The following RASGRP3 variants were observed in gnomAD, a reference collection of about 807,000 sequenced individuals.
RASGRP3 encodes RAS guanyl releasing protein 3, also known as ras guanyl-releasing protein 3.
Under a neutral mutation model 82.7 loss-of-function variants are expected in RASGRP3, and 54 were observed. That is an observed-to-expected ratio of 0.65 (90% CI 0.52 to 0.82). RASGRP3 has a LOEUF of 0.82. RASGRP3 is among the 40% of genes least tolerant of loss of function. The pLI, the probability that RASGRP3 is intolerant of heterozygous loss-of-function variation, is 0.00. For synonymous variants in RASGRP3, 309 were observed against 300.5 expected, an observed-to-expected ratio of 1.03 and a Z score of -0.29; for missense variants, 861 against 828.9, an observed-to-expected ratio of 1.04 and a Z score of -0.48.
intron 1 of RASGRP3, among the ~76,000 whole-genome samples, chr2:33,501,448 G>A (rs983170262): frequency 6.6e-6 from 1 of 152,140 alleles, no homozygotes; most frequent in Non-Finnish European, 1.5e-5. Flanking sequence ...ATAACTCTAT[G>A]TTTAAGTTTT....
intron 14 of RASGRP3, among the ~76,000 whole-genome samples, chr2:33,553,370 A>T (rs1348242574): frequency 6.6e-6 from 1 of 152,222 alleles, no homozygotes; most frequent in Admixed American, 6.5e-5. Context: ...TAAGGACATC[A>T]TGAGCAATTA....
chr2:33,444,234 A>T (rs867897772), intron 1 of RASGRP3, among the ~76,000 whole-genome samples: 3 of 152,068 alleles, frequency 2.0e-5, no homozygotes, highest in African/African-American at 7.2e-5. Context: ...TGAGCCCAGT[A>T]TTTCGAGGAT....
At chr2:33,522,199 A>G (rs1672101977) in intron 7 of RASGRP3, 97 bp downstream of exon 7, 2 of 1,369,708 alleles carry the variant, frequency 1.5e-6, no homozygotes, top group East Asian at 2.3e-5. Flanking sequence ...GGCAGCTTCT[A>G]TCACTGTGCT....
chr2:33,504,131 A>G (rs531827947), intron 1 of RASGRP3, among the ~76,000 whole-genome samples: 2 of 152,222 alleles, frequency 1.3e-5, no homozygotes, highest in African/African-American at 2.4e-5. Context: ...GCATATGTCT[A>G]TCCTATGCCT....
intron 10 of RASGRP3, among the ~76,000 whole-genome samples, chr2:33,529,460 A>ACTCCAGC (rs1306419097): frequency 7.6e-6 from 1 of 131,458 alleles, no homozygotes; most frequent in East Asian, 2.3e-4. Flanking sequence ...GTGCCACTGC[A>ACTCCAGC]CTGGGCGACA....
intron 2 of RASGRP3, among the ~76,000 whole-genome samples, chr2:33,466,789 A>C (rs1666722511): frequency 6.6e-6 from 1 of 152,206 alleles, no homozygotes; most frequent in African/African-American, 2.4e-5. Context: ...CATAAGTTAA[A>C]AAATTTTCCG....
rs758498849 is a variant in RASGRP3 at position 33,527,124 on chromosome 2, C to T, written c.808-13C>T. 1.9e-6 allele frequency: 3 copies of T among 1,612,810 alleles called. No homozygotes were observed. Among genetic ancestry groups the T allele is most frequent in the Non-Finnish European group, 1.7e-6 (2 of 1,179,020 alleles). ...AAGTTGTTTGAAAATTCTACTTTTC[C>T]ATCTGTTCCCAGAACTGGAATGAAA... is the stretch of plus-strand genomic sequence containing the variant. On this transcript the variant is annotated splice_polypyrimidine_tract_variant and intron_variant, in intron 9 of 17. Coordinates refer to ENST00000403687, the MANE Select transcript of RASGRP3 (RefSeq NM_001139488.2).
At chr2:33,541,210 A>G (rs1674257016) in intron 12 of RASGRP3, among the ~76,000 whole-genome samples, 1 of 147,352 alleles carries the variant, frequency 6.8e-6, no homozygotes, top group South Asian at 2.2e-4. Flanking sequence ...AGAATCATCA[A>G]AAATATTAAA....
intron 7 of RASGRP3, among the ~76,000 whole-genome samples, chr2:33,523,256 G>A (rs1032829924): frequency 2.6e-5 from 4 of 152,100 alleles, no homozygotes; most frequent in African/African-American, 9.7e-5. Flanking sequence ...GAGGTCAAGA[G>A]ATCGAGACCT....
chr2:33,555,503 C>T (rs1270350271), intron 14 of RASGRP3, 28 bp from the exon 15 acceptor site: 2 of 1,576,986 alleles, frequency 1.3e-6, no homozygotes, highest in Middle Eastern at 1.7e-4. Flanking sequence ...CCTCAGATTC[C>T]CTGACATTCC....
intron 2 of RASGRP3, among the ~76,000 whole-genome samples, chr2:33,457,485 T>C (rs1215356982): frequency 1.3e-5 from 2 of 152,228 alleles, no homozygotes; most frequent in African/African-American, 4.8e-5. Context: ...TTACATCTTT[T>C]TCATGGCTAC....
At chr2:33,481,272 C>G (rs1186197990) in intron 1 of RASGRP3, 1 of 152,034 alleles carries the variant, frequency 6.6e-6, no homozygotes, top group Non-Finnish European at 1.5e-5. Flanking sequence ...CACCATTCTT[C>G]TGCCTCAGCC....
rs570190681 is a variant in RASGRP3 at position 33,504,062 on chromosome 2, T to A, written c.-260-7648T>A. 5.3e-5 allele frequency among the ~76,000 whole-genome samples: 8 copies of A among 152,362 alleles called. No individual in the cohort carries two copies. In the South Asian group the frequency reaches 1.7e-3, roughly 32 times the overall value. The stretch of plus-strand genomic sequence containing the variant: ...CATCAGCTTTTAATCTAAATATTGT[T>A]GTCTCATGTGTATTCCTATTCATTT... On this transcript the variant is annotated intron_variant, in intron 1 of 17. Coordinates refer to ENST00000403687, the MANE Select transcript of RASGRP3 (RefSeq NM_001139488.2).
chr2:33,479,909 T>G (rs6744772), intron 1 of RASGRP3, among the ~76,000 whole-genome samples: 2,082 of 152,280 alleles, frequency 0.014, 51 homozygotes, highest in African/African-American at 0.048. Flanking sequence ...GGGAACCTTT[T>G]ATTAATCAGG....
chr2:33,438,669 T>A (rs548779456), intron 1 of RASGRP3, among the ~76,000 whole-genome samples: 1 of 152,216 alleles, frequency 6.6e-6, no homozygotes, highest in Non-Finnish European at 1.5e-5. Flanking sequence ...GTTTTATGTA[T>A]CTACAAGTTG....
chr2:33,550,868 C>T (rs896133830), intron 14 of RASGRP3, among the ~76,000 whole-genome samples: 4 of 152,158 alleles, frequency 2.6e-5, no homozygotes, highest in Admixed American at 6.5e-5. Flanking sequence ...AAGAGGCAGC[C>T]GTTTCCTCAA....
chr2:33,546,019 AG>A (rs1674705019), intron 13 of RASGRP3, among the ~76,000 whole-genome samples: 1 of 151,666 alleles, frequency 6.6e-6, no homozygotes, highest in Non-Finnish European at 1.5e-5. Flanking sequence ...CATGTTGGCC[AG>A]GCTGTTCTTG....
At chr2:33,439,217 T>C (rs1665089602) in intron 1 of RASGRP3, among the ~76,000 whole-genome samples, 1 of 152,092 alleles carries the variant, frequency 6.6e-6, no homozygotes, top group South Asian at 2.1e-4. Context: ...AAAAACTCAA[T>C]GTTAAGTTGA....
Position 33,522,003 on chromosome 2 carries a change from C to T in RASGRP3, c.417C>T (p.Ser139=), listed in dbSNP as rs189837410. 594 of 1,613,834 alleles carry T rather than the reference C, an allele frequency of 3.7e-4. 3 individuals are homozygous for T. In the African/African-American group the frequency reaches 7.1e-3, roughly 19 times the overall value. The change falls in exon 7 of 18, where the codon TCC becomes TCT. Residue 139 remains serine, a synonymous_variant. Coordinates refer to ENST00000403687, the MANE Select transcript of RASGRP3 (RefSeq NM_001139488.2). ...MRRVTQRKKV[S]KKGKACLLFD... ...GAGTCACACAGAGGAAAAAAGTATC[C>T]AAGAAGGGAAAAGCCTGTCTGCTGT... is the stretch of plus-strand genomic sequence containing the variant.
Sources: allele counts gnomAD v4.1 joint callset (sites outside exome capture counted in the v4.1 genomes callset), GRCh38; gene constraint gnomAD v4.1.1; transcripts MANE v1.5; gene names NCBI Gene and HGNC (gene_info 2026-07-23, HGNC 2026-07-21).